The following CCBE1 variants were observed in gnomAD, a reference collection of about 807,000 sequenced individuals.
CCBE1 encodes collagen and calcium binding EGF domains 1, also known as collagen and calcium-binding EGF domain-containing protein 1.
A neutral mutation model predicts 50.0 loss-of-function variants in CCBE1; 37 were observed. The ratio of observed to expected loss-of-function variants is 0.74; its 90% CI spans 0.57 to 0.97. The LOEUF is 0.97. CCBE1 is among the 50% of genes least tolerant of loss of function. CCBE1 has a pLI of 0.00. For synonymous variants in CCBE1, 234 were observed against 203.7 expected, an observed-to-expected ratio of 1.15 and a Z score of -1.27; for missense variants, 538 against 523.8, an observed-to-expected ratio of 1.03 and a Z score of -0.26.
chr18:59,601,238 G>T (rs2053428239), intron 2 of CCBE1, among the ~76,000 whole-genome samples: 1 of 151,584 alleles, frequency 6.6e-6, no homozygotes, highest in South Asian at 2.1e-4. Flanking sequence ...ATGTGGTTTG[G>T]CTGTGTCCAC....
intron 2 of CCBE1, among the ~76,000 whole-genome samples, chr18:59,685,381 A>C (rs1401120829): frequency 6.6e-6 from 1 of 152,206 alleles, no homozygotes; most frequent in African/African-American, 2.4e-5. Context: ...GAAGGATTGG[A>C]GACACCAGGC....
At chr18:59,696,374 G>A (rs1310237318) in intron 2 of CCBE1, 3 of 879,794 alleles carry the variant, frequency 3.4e-6, no homozygotes, top group East Asian at 6.6e-5. Context: ...TTCCACACAA[G>A]TATTTCAGGG....
In CCBE1 at chr18:59,436,078, C is replaced by G. The variant is rs537637686; in HGVS notation, c.1051G>C (p.Glu351Gln). The G allele has an allele frequency of 1.9e-6, 3 of 1,614,156 alleles. No homozygotes were observed. In the East Asian group the frequency reaches 6.7e-5, roughly 36 times the overall value. Reference sequence around the variant, plus strand: ...TGCCCGAACACCTTTTCCTGCAGCTCAGTGATGTCATTGCGGATGTCAGCC... The same window carrying G: ...TGCCCGAACACCTTTTCCTGCAGCTGAGTGATGTCATTGCGGATGTCAGCC... Reference protein sequence around the residue: ...MLADIRNDITELQEKVFGHRT... With the variant: ...MLADIRNDITQLQEKVFGHRT... Residue 351 changes from glutamate (E) to glutamine (Q), a missense_variant, in exon 11 of 11, where the codon GAG becomes CAG. Transcript: ENST00000439986.
chr18:59,686,451 A>G (rs7230181), intron 2 of CCBE1, among the ~76,000 whole-genome samples: 2,503 of 152,312 alleles, frequency 0.016, 77 homozygotes, highest in African/African-American at 0.057. Context: ...CAGCCCTGCC[A>G]TGCACCTGCG....
At chr18:59,455,081 G>T (rs757144410) in intron 5 of CCBE1, 130 bp from the exon 6 acceptor site, 15 of 751,782 alleles carry the variant, frequency 2.0e-5, no homozygotes, top group Non-Finnish European at 3.3e-5. Flanking sequence ...CTCAACTGTG[G>T]GTGATTTTAC....
Position 59,431,719 on chromosome 18 carries a change from C to G in CCBE1, c.*4189G>C, listed in dbSNP as rs531515645. ...ACTCACCTTTCCTTCCTTCCAAAAC[C>G]AATGAACATTTATTATTTACTTGTT... On this transcript the variant is annotated 3_prime_UTR_variant, in exon 11 of 11. Transcript: ENST00000439986. 1 of 152,338 alleles carries G rather than the reference C, an allele frequency of 6.6e-6. No homozygotes were observed. The highest frequency in any genetic ancestry group is 2.1e-4 in the South Asian group (1 of 4,826). The allele number at this position is 152,338 out of a possible 1,614,324, so 9.4% of individuals were successfully genotyped here.
At chr18:59,494,743 C>A (rs12956996) in intron 2 of CCBE1, among the ~76,000 whole-genome samples, 5 of 152,122 alleles carry the variant, frequency 3.3e-5, no homozygotes, top group Non-Finnish European at 7.4e-5. Context: ...GTATTACATT[C>A]AGTTTGAACA....
At chr18:59,562,180 C>T (rs1469348012) in intron 2 of CCBE1, among the ~76,000 whole-genome samples, 1 of 150,586 alleles carries the variant, frequency 6.6e-6, no homozygotes, top group Non-Finnish European at 1.5e-5. Flanking sequence ...CTCCCTTAGT[C>T]CTTTTAGTAT....
intron 2 of CCBE1, among the ~76,000 whole-genome samples, chr18:59,523,407 G>C (rs999368915): frequency 6.6e-6 from 1 of 150,942 alleles, no homozygotes; most frequent in African/African-American, 2.4e-5. Context: ...TGGGTAGGTA[G>C]TCTTAGACAA....
At chr18:59,537,044 A>G (rs1453999569) in intron 2 of CCBE1, among the ~76,000 whole-genome samples, 1 of 152,118 alleles carries the variant, frequency 6.6e-6, no homozygotes, top group East Asian at 1.9e-4. Flanking sequence ...CATATAAACT[A>G]GAAAAAGCAA....
At chr18:59,586,646 A>C (rs1362352404) in intron 2 of CCBE1, among the ~76,000 whole-genome samples, 1 of 152,234 alleles carries the variant, frequency 6.6e-6, no homozygotes, top group Non-Finnish European at 1.5e-5. Context: ...CCAGCACTGC[A>C]AGGGAGCTCA....
chr18:59,444,520 C>T (rs538781001), intron 7 of CCBE1, among the ~76,000 whole-genome samples: 15 of 151,804 alleles, frequency 9.9e-5, no homozygotes, highest in South Asian at 6.3e-4. Context: ...CTTATTTTCT[C>T]GGTGGTTTTT....
At chr18:59,578,111 GA>G (rs947270301) in intron 2 of CCBE1, among the ~76,000 whole-genome samples, 6 of 151,664 alleles carry the variant, frequency 4.0e-5, no homozygotes, top group East Asian at 1.9e-4. Context: ...AAATGTACAA[GA>G]AAAAAAACCC....
At chr18:59,642,444 A>G (rs1232280073) in intron 2 of CCBE1, among the ~76,000 whole-genome samples, 3 of 152,130 alleles carry the variant, frequency 2.0e-5, no homozygotes, top group African/African-American at 4.8e-5. Context: ...TCCCCCCTCC[A>G]TGACTGTGTA....
intron 2 of CCBE1, among the ~76,000 whole-genome samples, chr18:59,512,053 T>C (rs1914155091): frequency 6.6e-6 from 1 of 152,190 alleles, no homozygotes; most frequent in South Asian, 2.1e-4. Flanking sequence ...TCACCTGAGG[T>C]AGTTTACACA....
chr18:59,556,216 C>T (rs1036589094), intron 2 of CCBE1, among the ~76,000 whole-genome samples: 1 of 152,174 alleles, frequency 6.6e-6, no homozygotes, highest in Non-Finnish European at 1.5e-5. Context: ...GCATGAAATA[C>T]AGACAAGGTG....
chr18:59,495,301 G>A (rs1035742624), intron 2 of CCBE1, among the ~76,000 whole-genome samples: 25 of 151,532 alleles, frequency 1.6e-4, no homozygotes, highest in African/African-American at 5.1e-4. Flanking sequence ...GTTAATCACC[G>A]TTTATGTACT....
At chr18:59,592,308 A>C (rs892559707) in intron 2 of CCBE1, among the ~76,000 whole-genome samples, 1 of 152,268 alleles carries the variant, frequency 6.6e-6, no homozygotes, top group Non-Finnish European at 1.5e-5. Flanking sequence ...TTTTGTGTTT[A>C]GACTTGGGTC....
At chr18:59,666,722 G>A (rs918039506) in intron 2 of CCBE1, among the ~76,000 whole-genome samples, 14 of 152,046 alleles carry the variant, frequency 9.2e-5, no homozygotes, top group African/African-American at 3.1e-4. Flanking sequence ...ATCCCAGAAC[G>A]TTGGGAGGCC....
Sources: gnomAD v4.1 joint callset for allele counts (sites outside exome capture counted in the v4.1 genomes callset) on GRCh38, gnomAD v4.1.1 for gene constraint, MANE v1.5 for transcripts, NCBI Gene and HGNC (gene_info 2026-07-23, HGNC 2026-07-21) for gene names.